The following PABPC4L variants were observed in gnomAD, a reference collection of about 807,000 sequenced individuals.
PABPC4L encodes polyadenylate-binding protein 4-like.
For synonymous variants in PABPC4L, 169 were observed against 164.1 expected, an observed-to-expected ratio of 1.03 and a Z score of -0.23; for missense variants, 452 against 451.4, an observed-to-expected ratio of 1.00 and a Z score of -0.01.
At chr4:134,054,159 A>G in the PABPC4L span, among the ~76,000 whole-genome samples, 6 of 150,238 alleles carry the variant, frequency 4.0e-5, no homozygotes, top group Admixed American at 1.3e-4. Context: ...TAATTTAGTC[A>G]TCTTCAAGTC....
chr4:133,994,088 G>A, the PABPC4L span, among the ~76,000 whole-genome samples: 26 of 152,078 alleles, frequency 1.7e-4, no homozygotes, highest in Non-Finnish European at 3.1e-4. Flanking sequence ...GAATCACTGT[G>A]GGGAATTGTT....
chr4:134,060,045 C>G, the PABPC4L span, among the ~76,000 whole-genome samples: 1 of 152,048 alleles, frequency 6.6e-6, no homozygotes, highest in Non-Finnish European at 1.5e-5. Flanking sequence ...AGGGAGAGCA[C>G]AGTGATTGCG....
At chr4:133,990,925 C>T in the PABPC4L span, among the ~76,000 whole-genome samples, 1 of 152,084 alleles carries the variant, frequency 6.6e-6, no homozygotes, top group East Asian at 1.9e-4. Context: ...ATCTTCCAGC[C>T]TTCCAAGAAA....
chr4:133,950,601 C>T, the PABPC4L span, among the ~76,000 whole-genome samples: 2 of 152,152 alleles, frequency 1.3e-5, no homozygotes, highest in Non-Finnish European at 2.9e-5. Context: ...TCAGGGAGCA[C>T]CCATCTTCCA....
chr4:134,065,920 A>T, the PABPC4L span, among the ~76,000 whole-genome samples: 1 of 152,048 alleles, frequency 6.6e-6, no homozygotes, highest in East Asian at 1.9e-4. Flanking sequence ...TCAGATGGTT[A>T]TAGGTGTGCA....
At chr4:134,131,386 A>G in the PABPC4L span, among the ~76,000 whole-genome samples, 2 of 152,108 alleles carry the variant, frequency 1.3e-5, no homozygotes, top group East Asian at 3.9e-4. Context: ...TAGTAGCCCT[A>G]CTATAAAGCA....
At chr4:134,080,087 T>A in the PABPC4L span, among the ~76,000 whole-genome samples, 1 of 152,136 alleles carries the variant, frequency 6.6e-6, no homozygotes, top group Non-Finnish European at 1.5e-5. Flanking sequence ...CTGGAAATAA[T>A]AATAGCTTCA....
chr4:134,048,806 G>A, the PABPC4L span, among the ~76,000 whole-genome samples: 1 of 152,002 alleles, frequency 6.6e-6, no homozygotes, highest in African/African-American at 2.4e-5. Context: ...ATTAATTAAT[G>A]CTGAGAAAGG....
chr4:134,012,759 T>C, the PABPC4L span, among the ~76,000 whole-genome samples: 4 of 152,118 alleles, frequency 2.6e-5, no homozygotes, highest in South Asian at 8.3e-4. Flanking sequence ...TCTCACCAAT[T>C]TCAAATCCGG....
downstream of PABPC4L, among the ~76,000 whole-genome samples, chr4:134,192,059 T>C (rs190166270): frequency 4.4e-3 from 672 of 152,144 alleles, 3 homozygotes; most frequent in Non-Finnish European, 7.1e-3. Context: ...TCATATAAAA[T>C]CCTGTACTTG....
chr4:134,100,449 TA>T, the PABPC4L span, among the ~76,000 whole-genome samples: 5 of 151,584 alleles, frequency 3.3e-5, no homozygotes, highest in East Asian at 7.7e-4. Context: ...TCCCTTGTAT[TA>T]AAAAAATACG....
the PABPC4L span, among the ~76,000 whole-genome samples, chr4:134,096,814 C>T: frequency 3.3e-5 from 5 of 151,892 alleles, no homozygotes; most frequent in Non-Finnish European, 7.4e-5. Flanking sequence ...TTTTTAATAA[C>T]GTTTTAAATC....
the PABPC4L span, among the ~76,000 whole-genome samples, chr4:134,176,704 G>C: frequency 6.6e-6 from 1 of 152,026 alleles, no homozygotes; most frequent in Non-Finnish European, 1.5e-5. Flanking sequence ...GGGGAGAAAA[G>C]CTGGGTGCTA....
the PABPC4L span, among the ~76,000 whole-genome samples, chr4:134,137,854 T>C: frequency 6.6e-6 from 1 of 151,832 alleles, no homozygotes; most frequent in African/African-American, 2.4e-5. Context: ...TTATACAAAA[T>C]TTATCTTCTC....
chr4:134,022,407 A>AAC, the PABPC4L span, among the ~76,000 whole-genome samples: 3 of 151,952 alleles, frequency 2.0e-5, no homozygotes, highest in East Asian at 1.9e-4. Flanking sequence ...TTACGAATAA[A>AAC]ACACACACAC....
chr4:133,998,926 A>AT, the PABPC4L span, among the ~76,000 whole-genome samples: 3 of 151,762 alleles, frequency 2.0e-5, no homozygotes, highest in African/African-American at 2.4e-5. Context: ...GATGCCAGCT[A>AT]TTTTTTTATT....
At chr4:134,114,742 T>C in the PABPC4L span, among the ~76,000 whole-genome samples, 1 of 151,880 alleles carries the variant, frequency 6.6e-6, no homozygotes, top group South Asian at 2.1e-4. Flanking sequence ...GAAGGCAAAC[T>C]AGTTAATATG....
the PABPC4L span, among the ~76,000 whole-genome samples, chr4:134,013,137 C>T: frequency 2.0e-5 from 3 of 151,958 alleles, no homozygotes; most frequent in Non-Finnish European, 4.4e-5. Flanking sequence ...TGTCTCTACC[C>T]CTTCTCCGCT....
At chr4:134,014,934 T>C in the PABPC4L span, among the ~76,000 whole-genome samples, 31 of 152,048 alleles carry the variant, frequency 2.0e-4, 1 homozygote, top group Non-Finnish European at 4.3e-4. Context: ...GTTCCCTTAT[T>C]AGGCTGAGAC....
Sources: gnomAD v4.1 joint callset for allele counts (sites outside exome capture counted in the v4.1 genomes callset) on GRCh38, gnomAD v4.1.1 for gene constraint, MANE v1.5 for transcripts, NCBI Gene and HGNC (gene_info 2026-07-23, HGNC 2026-07-21) for gene names.